The following PLCB1 variants were observed in gnomAD, a reference collection of about 807,000 sequenced individuals.
PLCB1 encodes 1-phosphatidylinositol 4,5-bisphosphate phosphodiesterase beta-1.
PLCB1 carries 46 observed loss-of-function variants against 161.8 expected under a neutral mutation model. That is an observed-to-expected ratio of 0.28 (90% CI 0.22 to 0.36). The LOEUF is 0.36. Among genes scored for constraint, PLCB1 ranks in the 10% least tolerant of loss-of-function variants. The probability of loss-of-function intolerance (pLI) is 1.00; values close to 1 mark genes in which losing one functional copy is unlikely to be tolerated. For missense variants in PLCB1, 1,016 were observed against 1,472.5 expected, an observed-to-expected ratio of 0.69 and a Z score of 5.07; for synonymous variants, 517 against 503.7, an observed-to-expected ratio of 1.03 and a Z score of -0.35.
intron 3 of PLCB1, among the ~76,000 whole-genome samples, chr20:8,548,248 C>A (rs6086498): frequency 3.4e-5 from 4 of 116,920 alleles, no homozygotes; most frequent in Non-Finnish European, 1.7e-5. Flanking sequence ...CCCTCTTCCT[C>A]TTTTTCACCC....
intron 2 of PLCB1, among the ~76,000 whole-genome samples, chr20:8,268,090 A>G (rs1458247074): frequency 2.6e-5 from 4 of 152,106 alleles, no homozygotes; most frequent in African/African-American, 7.2e-5. Flanking sequence ...TACATTAGGT[A>G]TATCTCCTAA....
At chr20:8,247,398 T>C (rs567502500) in intron 2 of PLCB1, among the ~76,000 whole-genome samples, 51 of 152,060 alleles carry the variant, frequency 3.4e-4, no homozygotes, top group African/African-American at 1.2e-3. Context: ...CCTAGTGACA[T>C]AGAAATGAGG....
chr20:8,476,751 T>G, intron 3 of PLCB1, among the ~76,000 whole-genome samples: 1 of 152,288 alleles, frequency 6.6e-6, no homozygotes, highest in East Asian at 1.9e-4. Flanking sequence ...TGGAGCACTC[T>G]GAATAGACGG....
At chr20:8,564,449 C>CA (rs1219055528) in intron 3 of PLCB1, among the ~76,000 whole-genome samples, 1 of 152,044 alleles carries the variant, frequency 6.6e-6, no homozygotes, top group African/African-American at 2.4e-5. Context: ...GCTAAAACAC[C>CA]AAAAGCAATG....
At chr20:8,442,593 A>C (rs2122616608) in intron 3 of PLCB1, among the ~76,000 whole-genome samples, 1 of 152,258 alleles carries the variant, frequency 6.6e-6, no homozygotes. Context: ...TTTTTTCTTA[A>C]TTTAAAGCTC....
intron 3 of PLCB1, among the ~76,000 whole-genome samples, chr20:8,465,754 C>T (rs902080830): frequency 1.2e-4 from 18 of 151,466 alleles, no homozygotes; most frequent in Non-Finnish European, 2.4e-4. Context: ...CAGAGAAATG[C>T]AAATCAAAAC....
Position 8,592,985 on chromosome 20 carries a change from G to T in PLCB1, c.247-35309G>T, listed in dbSNP as rs547423554. Among the ~76,000 whole-genome samples, 73 of 152,150 alleles carry T rather than the reference G, an allele frequency of 4.8e-4. 1 individual carries two copies. The highest frequency in any genetic ancestry group is 1.6e-3 in the African/African-American group (65 of 41,516). On this transcript the variant is annotated intron_variant, in intron 3 of 31. Transcript: ENST00000338037. ...AGTCCAGTTAATCAGAATCTCTGAG[G>T]GTGGGATCCAGGCCCCTCATTTTTT...
chr20:8,316,701 C>G (rs1385247263), intron 2 of PLCB1, among the ~76,000 whole-genome samples: 1 of 152,074 alleles, frequency 6.6e-6, no homozygotes, highest in Non-Finnish European at 1.5e-5. Context: ...GATATAACTG[C>G]CATGACAATG....
intron 2 of PLCB1, among the ~76,000 whole-genome samples, chr20:8,164,154 C>G (rs1271517508): frequency 6.6e-6 from 1 of 152,084 alleles, no homozygotes; most frequent in Non-Finnish European, 1.5e-5. Flanking sequence ...TGTCATTTTG[C>G]TAGGTAAGAT....
At position 8,571,302 on chromosome 20, in the gene PLCB1, T is replaced by G. The variant is rs149874349; in HGVS notation, c.247-56992T>G. On this transcript the variant is annotated intron_variant, in intron 3 of 31. Transcript: ENST00000338037. ...TTCAAGACCAACCTAGCCAACATGG[T>G]GACACTCCATCTCTACCAAAAAGAC... Among the ~76,000 whole-genome samples, 921 of 152,130 alleles carry G rather than the reference T, an allele frequency of 6.1e-3. 15 individuals are homozygous for G. The highest frequency in any genetic ancestry group is 0.021 in the African/African-American group (890 of 41,494).
At chr20:8,407,188 T>C (rs530107878) in intron 3 of PLCB1, among the ~76,000 whole-genome samples, 71 of 152,010 alleles carry the variant, frequency 4.7e-4, no homozygotes, top group Non-Finnish European at 9.1e-4. Context: ...TGTGAGCAAA[T>C]AAGAAATCTT....
At chr20:8,424,533 TA>T (rs2122556261) in intron 3 of PLCB1, among the ~76,000 whole-genome samples, 1 of 152,312 alleles carries the variant, frequency 6.6e-6, no homozygotes, top group Non-Finnish European at 1.5e-5. Flanking sequence ...TTCTTTTCAC[TA>T]ACTCCCATGA....
intron 3 of PLCB1, among the ~76,000 whole-genome samples, chr20:8,394,815 A>G (rs1313385750): frequency 6.6e-6 from 1 of 152,154 alleles, no homozygotes; most frequent in African/African-American, 2.4e-5. Context: ...TTTGCCATCT[A>G]TAGTATATAG....
At chr20:8,308,927 T>C (rs1482984878) in intron 2 of PLCB1, among the ~76,000 whole-genome samples, 1 of 152,174 alleles carries the variant, frequency 6.6e-6, no homozygotes, top group Non-Finnish European at 1.5e-5. Flanking sequence ...TTTTTTTCTT[T>C]TTAATATTTA....
intron 3 of PLCB1, among the ~76,000 whole-genome samples, chr20:8,439,815 A>G (rs1364428460): frequency 6.6e-6 from 1 of 151,956 alleles, no homozygotes; most frequent in African/African-American, 2.4e-5. Flanking sequence ...TTATAGGCAT[A>G]GAAAATGCCT....
At chr20:8,136,400 G>C (rs1391378463) in intron 1 of PLCB1, among the ~76,000 whole-genome samples, 1 of 152,174 alleles carries the variant, frequency 6.6e-6, no homozygotes, top group South Asian at 2.1e-4. Context: ...GCCGAGGCGG[G>C]CAGATCACAA....
chr20:8,638,099 T>G (rs1988822293), intron 4 of PLCB1, among the ~76,000 whole-genome samples: 1 of 152,164 alleles, frequency 6.6e-6, no homozygotes, highest in Non-Finnish European at 1.5e-5. Flanking sequence ...TTTCACCATG[T>G]TAGCCAAGAT....
At chr20:8,763,864 G>T (rs564173221) in intron 25 of PLCB1, among the ~76,000 whole-genome samples, 1 of 151,864 alleles carries the variant, frequency 6.6e-6, no homozygotes, top group Non-Finnish European at 1.5e-5. Context: ...AGTTTTCTCA[G>T]CATGGGATAA....
intron 3 of PLCB1, among the ~76,000 whole-genome samples, chr20:8,545,169 T>C (rs555753021): frequency 6.6e-6 from 1 of 152,300 alleles, no homozygotes; most frequent in East Asian, 1.9e-4. Context: ...GAAACCTTCC[T>C]GAGAAAAGTG....
Sources: allele counts gnomAD v4.1 joint callset (sites outside exome capture counted in the v4.1 genomes callset), GRCh38; gene constraint gnomAD v4.1.1; transcripts MANE v1.5; gene names NCBI Gene and HGNC (gene_info 2026-07-23, HGNC 2026-07-21).